The following SNX29 variants were observed in gnomAD, a reference collection of about 807,000 sequenced individuals.
The protein encoded by SNX29 is sorting nexin-29.
A neutral mutation model predicts 102.1 loss-of-function variants in SNX29; 78 were observed. The observed-to-expected ratio is 0.76, with a 90% CI of 0.64 to 0.92. SNX29 has a LOEUF of 0.92. Ranked by LOEUF, SNX29 falls within the 40% of genes least tolerant of loss-of-function variation. The pLI is 0.00. For synonymous variants in SNX29, 580 were observed against 414.5 expected (o/e 1.40, Z -4.85); for missense variants, 1,280 against 1,061.7 (o/e 1.21, Z -2.86).
chr16:12,468,527 G>C (rs2087182205), intron 18 of SNX29, among the ~76,000 whole-genome samples: 1 of 151,950 alleles, frequency 6.6e-6, no homozygotes, highest in African/African-American at 2.4e-5. Context: ...CCCACTCCCA[G>C]GCGTGGTGCC....
intron 19 of SNX29, among the ~76,000 whole-genome samples, chr16:12,514,707 A>G (rs2089785110): frequency 6.6e-6 from 1 of 152,150 alleles, no homozygotes; most frequent in Non-Finnish European, 1.5e-5. Context: ...TCTAGTAAAA[A>G]TAGAAAGATT....
chr16:12,541,018 G>T (rs2077310249), intron 20 of SNX29, among the ~76,000 whole-genome samples: 1 of 152,156 alleles, frequency 6.6e-6, no homozygotes, highest in South Asian at 2.1e-4. Flanking sequence ...TCCTGGGACA[G>T]CAACAACTGG....
At chr16:12,108,250 C>G (rs1285394860) in intron 11 of SNX29, among the ~76,000 whole-genome samples, 1 of 152,158 alleles carries the variant, frequency 6.6e-6, no homozygotes, top group Non-Finnish European at 1.5e-5. Context: ...TAGGAAGGGC[C>G]AGGACTGAGG....
At chr16:12,530,541 GTT>G (rs146524178) in intron 20 of SNX29, among the ~76,000 whole-genome samples, 40,161 of 146,818 alleles carry the variant, frequency 0.27, 5,799 homozygotes, top group East Asian at 0.59. Flanking sequence ...ATTTGCCTTC[GTT>G]TTTTTTTTTT....
rs528624672 is a variant in SNX29 at position 12,493,933 on chromosome 16, G to A, written c.2178+16074G>A. On this transcript the variant is annotated intron_variant, in intron 19 of 20. Transcript: ENST00000566228. ...TTCACATTTTCCCAGTTACCGATAA[G>A]ACTGATGATCTGCTCGTGATTTTTA... Among the ~76,000 whole-genome samples the A allele has an allele frequency of 1.1e-4, 16 of 152,270 alleles. No individual in the cohort carries two copies. In the East Asian group the frequency reaches 1.5e-3, roughly 15 times the overall value.
chr16:12,009,441 A>T (rs2056572021), intron 3 of SNX29, among the ~76,000 whole-genome samples: 1 of 146,776 alleles, frequency 6.8e-6, no homozygotes, highest in Non-Finnish European at 1.5e-5. Flanking sequence ...ATATATTTTT[A>T]TATGTGTGTG....
At chr16:12,562,181 A>T (rs996689454) in intron 20 of SNX29, among the ~76,000 whole-genome samples, 1 of 152,146 alleles carries the variant, frequency 6.6e-6, no homozygotes, top group Non-Finnish European at 1.5e-5. Flanking sequence ...GTCTGACCTG[A>T]GCATAGGGTT....
chr16:12,553,668 G>A (rs1008583193), intron 20 of SNX29, among the ~76,000 whole-genome samples: 1 of 147,598 alleles, frequency 6.8e-6, no homozygotes, highest in African/African-American at 2.5e-5. Context: ...TTGGCTCACT[G>A]CAACCTCCGC....
intron 20 of SNX29, among the ~76,000 whole-genome samples, chr16:12,555,376 CCT>C (rs1240843176): frequency 2.0e-5 from 3 of 152,044 alleles, no homozygotes; most frequent in Non-Finnish European, 4.4e-5. Context: ...TGAGGCGCTC[CCT>C]GTCTTTCCCT....
intron 11 of SNX29, among the ~76,000 whole-genome samples, chr16:12,093,441 C>T (rs2052642179): frequency 6.7e-6 from 1 of 148,940 alleles, no homozygotes; most frequent in Non-Finnish European, 1.5e-5. Flanking sequence ...GAGACCCCCT[C>T]TCTTTACAAA....
rs527594936 is a variant in SNX29, at chr16:12,155,076, A to G, written c.1595+25318A>G. The stretch of plus-strand genomic sequence containing the variant: ...CTCCCACCCCCCTTGCCCTTCTGCC[A>G]GTGGCTGCCTCTGCTGGATGCCTTG... On this transcript the variant is annotated intron_variant, in intron 13 of 20. Transcript: ENST00000566228. Among the ~76,000 whole-genome samples, 4 of 152,196 alleles carry G rather than the reference A, an allele frequency of 2.6e-5. No individual in the cohort carries two copies. In the East Asian group the frequency reaches 7.7e-4, roughly 29 times the overall value.
intron 10 of SNX29, among the ~76,000 whole-genome samples, chr16:12,072,424 A>G (rs2051344000): frequency 6.6e-6 from 1 of 152,186 alleles, no homozygotes; most frequent in South Asian, 2.1e-4. Context: ...TACTGAGATA[A>G]TCATGTGGTT....
chr16:12,492,874 T>C (rs1180972630), intron 19 of SNX29, among the ~76,000 whole-genome samples: 1 of 152,250 alleles, frequency 6.6e-6, no homozygotes, highest in African/African-American at 2.4e-5. Context: ...GGCTCTGTTG[T>C]GTTCCATTGA....
At chr16:12,389,060 A>G (rs990662130) in intron 16 of SNX29, among the ~76,000 whole-genome samples, 28 of 152,140 alleles carry the variant, frequency 1.8e-4, no homozygotes, top group Non-Finnish European at 3.8e-4. Context: ...GCCAATTTTT[A>G]CATCATAGTT....
intron 20 of SNX29, among the ~76,000 whole-genome samples, chr16:12,565,534 G>C (rs11639553): frequency 0.11 from 16,338 of 152,132 alleles, 1,066 homozygotes; most frequent in South Asian, 0.14. Context: ...ACATGGCCTC[G>C]AGGATTGAAC....
intron 15 of SNX29, among the ~76,000 whole-genome samples, chr16:12,283,125 A>G (rs544645649): frequency 1.2e-4 from 18 of 152,174 alleles, no homozygotes; most frequent in African/African-American, 4.3e-4. Context: ...GATGGTGCCA[A>G]CTCAATTTGT....
At chr16:12,120,413 T>C in intron 11 of SNX29, among the ~76,000 whole-genome samples, 1 of 152,188 alleles carries the variant, frequency 6.6e-6, no homozygotes, top group South Asian at 2.1e-4. Flanking sequence ...TGTGAGAGAG[T>C]GTGTGTGCGC....
intron 13 of SNX29, among the ~76,000 whole-genome samples, chr16:12,195,985 C>CTTT (rs762409358): frequency 2.5e-4 from 30 of 117,960 alleles, no homozygotes; most frequent in African/African-American, 6.7e-4. Flanking sequence ...GTTTCTTTTC[C>CTTT]TTTTTTTTTT....
In SNX29 at chr16:12,477,799, A is replaced by G; in HGVS notation, c.2118A>G (p.Gln706=). Residue 706 remains glutamine (Q), a synonymous_variant, in exon 19 of 21, where the codon CAA becomes CAG. Coordinates refer to ENST00000566228, the MANE Select transcript of SNX29 (RefSeq NM_032167.5). ...TEFRSLHHKL[Q]NKYPQVRAYN... The stretch of plus-strand genomic sequence containing the variant: ...TCAGGAGTTTGCACCACAAGTTACA[A>G]AACAAGTACCCTCAAGTGAGGGCCT... 5.0e-6 allele frequency: 8 copies of G among 1,613,628 alleles called. No homozygotes were observed. The highest frequency in any genetic ancestry group is 6.8e-6 in the Non-Finnish European group (8 of 1,179,756).
Sources: gnomAD v4.1 joint callset for allele counts (sites outside exome capture counted in the v4.1 genomes callset) on GRCh38, gnomAD v4.1.1 for gene constraint, MANE v1.5 for transcripts, NCBI Gene and HGNC (gene_info 2026-07-23, HGNC 2026-07-21) for gene names.